The following ABCA5 variants were observed in gnomAD, a reference collection of about 807,000 sequenced individuals.
ABCA5 encodes the protein cholesterol transporter ABCA5.
A neutral mutation model predicts 206.0 loss-of-function variants in ABCA5; 163 were observed. The ratio of observed to expected loss-of-function variants is 0.79; its 90% CI spans 0.70 to 0.90. ABCA5 has a LOEUF of 0.90. Among genes scored for constraint, ABCA5 ranks in the 40% least tolerant of loss-of-function variants. The pLI, the probability that ABCA5 is intolerant of heterozygous loss-of-function variation, is 0.00. For missense variants in ABCA5, 1,859 were observed against 1,912.9 expected (o/e 0.97, Z 0.53); for synonymous variants, 609 against 613.8 (o/e 0.99, Z 0.11).
rs758300281 is a variant in ABCA5, at chr17:69,304,566, C to T, written c.930+103G>A. On this transcript the variant is annotated intron_variant, in intron 7 of 38. Transcript: ENST00000392676. ...TCACTTATCAATTAGTAAAATCTGT[C>T]TTTCATGGCAAATTGACTATAAGTA... 8 of 1,040,572 alleles carry T rather than the reference C, an allele frequency of 7.7e-6. No homozygotes were observed. The African/African-American group carries it at 1.3e-4, about 17-fold the overall frequency. The allele number at this position is 1,040,572 out of a possible 1,614,324, so 64.5% of individuals were successfully genotyped here. A position where few individuals can be genotyped will look rare whatever the true frequency, so the allele number is the denominator to read the frequency against.
At position 69,291,324 on chromosome 17, in the gene ABCA5, A is replaced by C. The variant is rs750823333; in HGVS notation, c.1498T>G (p.Leu500Val). ...KGENVEALRN[L>V]SFDIYEGQIT... Reference sequence around the variant, plus strand: ...TGACCCTCATATATGTCAAATGACAAATCTAGTTCAGGAAAAAAGAAGACT... The same window carrying C: ...TGACCCTCATATATGTCAAATGACACATCTAGTTCAGGAAAAAAGAAGACT... Residue 500 changes from leucine to valine, a missense_variant and splice_region_variant, in exon 12 of 39, where the codon TTG (leucine) becomes GTG (valine). Physicochemically the swap from Leu to Val is conservative, Grantham distance 32. Transcript: ENST00000392676. 244 of 1,578,620 alleles carry C rather than the reference A, an allele frequency of 1.5e-4. No homozygotes were observed. Among genetic ancestry groups the C allele is most frequent in the Admixed American group, 5.3e-4 (31 of 58,622 alleles).
chr17:69,266,575 T>A (rs2075210932), intron 23 of ABCA5, among the ~76,000 whole-genome samples: 1 of 146,872 alleles, frequency 6.8e-6, no homozygotes, highest in African/African-American at 2.5e-5. Context: ...AATAAAAATA[T>A]ATATATATAT....
intron 34 of ABCA5, 33 bp downstream of exon 34, chr17:69,253,540 T>C (rs760182920): frequency 8.6e-6 from 12 of 1,395,006 alleles, no homozygotes; most frequent in Non-Finnish European, 4.0e-6. Context: ...TATTCTAAAG[T>C]ATCATGTACT....
chr17:69,293,837 T>TGG (rs2075554051), intron 11 of ABCA5, among the ~76,000 whole-genome samples: 1 of 88,490 alleles, frequency 1.1e-5, no homozygotes, highest in Non-Finnish European at 2.3e-5. Flanking sequence ...CATACTGGTG[T>TGG]GTGTGTGTGT....
chr17:69,254,523 G>A, intron 31 of ABCA5, 33 bp from the exon 32 acceptor site: 2 of 1,586,534 alleles, frequency 1.3e-6, no homozygotes, highest in Non-Finnish European at 1.7e-6. Flanking sequence ...TTATTATTTT[G>A]CTTAATTTAC....
rs766477870 is a variant in ABCA5 at position 69,313,148 on chromosome 17, AC to A, written c.250del (p.Val84Ter). 43 of 1,611,690 alleles carry A rather than the reference AC, an allele frequency of 2.7e-5. 1 individual carries two copies. The highest frequency in any genetic ancestry group is 3.6e-5 in the Non-Finnish European group (42 of 1,178,582). On this transcript the variant is annotated frameshift_variant, in exon 3 of 39. Coordinates refer to ENST00000392676, the MANE Select transcript of ABCA5 (RefSeq NM_172232.4). LOFTEE classifies it high-confidence loss of function. ...CATGATGCTGCTTGTAATATTAGTCACTGGAGTATATCCAAGAATTAGATTA... is the reference window on the plus strand; with the variant it reads ...CATGATGCTGCTTGTAATATTAGTCATGGAGTATATCCAAGAATTAGATTA... Reference protein sequence around the residue: ...LSNLILGYTPVTNITSSIMQK... With the variant: ...LSNLILGYTPXTNITSSIMQK...
At chr17:69,276,307 T>C (rs930752450) in intron 19 of ABCA5, among the ~76,000 whole-genome samples, 5 of 152,178 alleles carry the variant, frequency 3.3e-5, no homozygotes, top group African/African-American at 1.2e-4. Flanking sequence ...CAGGATGGCC[T>C]TGATCTCCTG....
chr17:69,267,946 A>G lies in ABCA5; in HGVS notation c.3141T>C (p.His1047=). The change falls in exon 23 of 39, where the codon CAT becomes CAC. Residue 1047 remains histidine (H), a synonymous_variant. Coordinates refer to ENST00000392676, the MANE Select transcript of ABCA5 (RefSeq NM_172232.4). ...PYFAMENAEN[H]KIKAYTQLKL... ...ATATTTTTAACTGAGTCATTACCTT[A>G]TGATTCTCTGCATTTTCCATGGCAA... 2 of 1,585,910 alleles carry G rather than the reference A, an allele frequency of 1.3e-6. No individual in the cohort carries two copies. Among genetic ancestry groups the G allele is most frequent in the Non-Finnish European group, 1.7e-6 (2 of 1,155,528 alleles).
In ABCA5 at chr17:69,289,509, C is replaced by CA. The variant is rs565284925; in HGVS notation, c.1783-214dup. On this transcript the variant is annotated intron_variant, in intron 13 of 38. Transcript: ENST00000392676. Reference sequence around the variant, plus strand: ...ATATAATTATGAAAACAACAGGTAACAAGATTCTTGAGGGAAAGGTTTTAA... The same window carrying CA: ...ATATAATTATGAAAACAACAGGTAACAAAGATTCTTGAGGGAAAGGTTTTAA... Among the ~76,000 whole-genome samples the CA allele has an allele frequency of 2.2e-3, 336 of 152,032 alleles. 3 individuals carry two copies. The highest frequency in any genetic ancestry group is 7.8e-3 in the African/African-American group (325 of 41,476).
In ABCA5 at chr17:69,314,372, C is replaced by T. The variant is rs770623872; in HGVS notation, c.44G>A (p.Arg15Lys). The part of the protein sequence containing the change: ...IREVGVWRQT[R>K]TLLLKNYLIK... The stretch of plus-strand genomic sequence containing the variant: ...TAAGTAATTCTTCAGTAGAAGTGTT[C>T]TGGTCTGTCTCCAAACTCCTACCTC... The change falls in exon 2 of 39, where the codon AGA (arginine) becomes AAA (lysine). Residue 15 changes from arginine to lysine, a missense_variant. Coordinates refer to ENST00000392676, the MANE Select transcript of ABCA5 (RefSeq NM_172232.4). 1 of 1,613,762 alleles carries T rather than the reference C, an allele frequency of 6.2e-7. No homozygotes were observed. The highest frequency in any genetic ancestry group is 1.7e-5 in the Admixed American group (1 of 60,002).
chr17:69,271,190 G>A lies in ABCA5; in HGVS notation c.2864C>T (p.Ala955Val), dbSNP rs760363985. 66 of 1,612,644 alleles carry A rather than the reference G, an allele frequency of 4.1e-5. No homozygotes were observed. The highest frequency in any genetic ancestry group is 1.6e-4 in the Middle Eastern group (1 of 6,084). ...TTCTGAATGCATCACATTTAAAGCC[G>A]CACTATGGGGAGCCACGGATACATA... ...SDYVSVAPHS[A>V]ALNVMHSEKD... Residue 955 changes from alanine to valine, a missense_variant, in exon 21 of 39, where the codon GCG (alanine) becomes GTG (valine). By Grantham distance (64) the Ala-to-Val change is moderately conservative (BLOSUM62 0). Coordinates refer to ENST00000392676, the MANE Select transcript of ABCA5 (RefSeq NM_172232.4).
chr17:69,289,409 T>C, intron 13 of ABCA5, 113 bp from the exon 14 acceptor site: 1 of 857,342 alleles, frequency 1.2e-6, no homozygotes, highest in Non-Finnish European at 1.6e-6. Flanking sequence ...TTAAGTAACA[T>C]AGGTTTTTAA....
chr17:69,297,107 A>G, intron 10 of ABCA5, 84 bp downstream of exon 10: 8 of 1,317,624 alleles, frequency 6.1e-6, no homozygotes, highest in Non-Finnish European at 8.5e-6. Context: ...CTAATATACC[A>G]TATTTACATA....
intron 37 of ABCA5, 50 bp from the exon 38 acceptor site, chr17:69,248,367 G>A: frequency 8.9e-7 from 1 of 1,124,914 alleles, no homozygotes; most frequent in Non-Finnish European, 1.3e-6. Context: ...TGAAAAAAAT[G>A]GCAATACCTA....
intron 19 of ABCA5, among the ~76,000 whole-genome samples, chr17:69,275,382 A>C (rs768835929): frequency 1.3e-5 from 2 of 152,130 alleles, no homozygotes; most frequent in Non-Finnish European, 2.9e-5. Flanking sequence ...GTGTCCTAAC[A>C]AGCAGTTGGA....
intron 1 of ABCA5, among the ~76,000 whole-genome samples, chr17:69,323,083 C>T (rs944714504): frequency 2.6e-5 from 4 of 152,114 alleles, no homozygotes; most frequent in African/African-American, 7.2e-5. Context: ...AAACGTTGTT[C>T]GGCACTGAAG....
At chr17:69,284,878 C>T (rs1371409948) in intron 17 of ABCA5, among the ~76,000 whole-genome samples, 1 of 152,150 alleles carries the variant, frequency 6.6e-6, no homozygotes, top group Admixed American at 6.5e-5. Context: ...GTCTTACGGT[C>T]CATCCTACAG....
chr17:69,310,188 C>T (rs890939486), intron 3 of ABCA5, among the ~76,000 whole-genome samples: 15 of 151,934 alleles, frequency 9.9e-5, no homozygotes, highest in African/African-American at 3.6e-4. Context: ...TGTTCTGTTA[C>T]CCAGCCTGCA....
At chr17:69,298,349 A>ACG in intron 9 of ABCA5, among the ~76,000 whole-genome samples, 1 of 134,220 alleles carries the variant, frequency 7.5e-6, no homozygotes, top group African/African-American at 2.6e-5. Context: ...GAAGGAAGGA[A>ACG]AGAAGGAAAG....
Sources: gnomAD v4.1 joint callset for allele counts (sites outside exome capture counted in the v4.1 genomes callset) on GRCh38, gnomAD v4.1.1 for gene constraint, MANE v1.5 for transcripts, NCBI Gene and HGNC (gene_info 2026-07-23, HGNC 2026-07-21) for gene names.